Variants in EYS observed in about 807,000 individuals in gnomAD.
The protein encoded by EYS is EGF-like photoreceptor maintenance factor.
A neutral mutation model predicts 282.1 loss-of-function variants in EYS; 250 were observed. The ratio of observed to expected loss-of-function variants is 0.89; its 90% CI spans 0.80 to 0.98. The LOEUF is 0.98. Ranked by LOEUF, EYS falls within the 50% of genes least tolerant of loss-of-function variation. The probability of loss-of-function intolerance (pLI) is 0.00; values close to 1 mark genes in which losing one functional copy is unlikely to be tolerated. For synonymous variants in EYS, 1,355 were observed against 1,282.9 expected (o/e 1.06, Z -1.20); for missense variants, 4,016 against 3,709.0 (o/e 1.08, Z -2.15).
At chr6:63,938,213 A>T (rs765147862) in intron 35 of EYS, among the ~76,000 whole-genome samples, 3 of 152,214 alleles carry the variant, frequency 2.0e-5, no homozygotes, top group African/African-American at 7.2e-5. Flanking sequence ...GGAATAACGC[A>T]TATTTAGAGT....
At chr6:64,649,304 T>C (rs1768466781) in intron 22 of EYS, among the ~76,000 whole-genome samples, 1 of 87,722 alleles carries the variant, frequency 1.1e-5, no homozygotes, top group Non-Finnish European at 2.3e-5. Flanking sequence ...AATAATATGC[T>C]TACATATAAT....
chr6:64,357,102 A>G (rs1045345628), intron 29 of EYS, among the ~76,000 whole-genome samples: 1 of 151,704 alleles, frequency 6.6e-6, no homozygotes, highest in Admixed American at 6.6e-5. Flanking sequence ...TGGACAATTA[A>G]TAAGTGGGTG....
Position 64,711,328 on chromosome 6 carries a change from A to G in EYS, c.3444-85083T>C, listed in dbSNP as rs114197349. Among the ~76,000 whole-genome samples, 1,194 of 152,344 alleles carry G rather than the reference A, an allele frequency of 7.8e-3. 24 individuals are homozygous for G. The highest frequency in any genetic ancestry group is 0.027 in the African/African-American group (1,123 of 41,582). On this transcript the variant is annotated intron_variant, in intron 22 of 42. Transcript: ENST00000503581. ...ACAGTTGACACTTTCATTGTGTTTT[A>G]AACTCCCTGTTTTATACATGTGGCT...
chr6:65,060,743 C>CATAT (rs532091273), intron 12 of EYS, among the ~76,000 whole-genome samples: 72 of 146,596 alleles, frequency 4.9e-4, no homozygotes, highest in African/African-American at 1.8e-3. Context: ...TATATAAATA[C>CATAT]ATATATATAT....
At position 64,572,093 on chromosome 6, in the gene EYS, C is replaced by T. The variant is rs566567571; in HGVS notation, c.5644+18130G>A. Reference sequence around the variant, plus strand: ...AAAAGCTTATCCACCCAGTTGGCTTCATCCCTGGGATGCAAGGCTGGTTCA... The same window carrying T: ...AAAAGCTTATCCACCCAGTTGGCTTTATCCCTGGGATGCAAGGCTGGTTCA... On this transcript the variant is annotated intron_variant, in intron 26 of 42. Transcript: ENST00000503581. Among the ~76,000 whole-genome samples, 6 of 152,242 alleles carry T rather than the reference C, an allele frequency of 3.9e-5. No individual in the cohort carries two copies. In the East Asian group the frequency reaches 1.2e-3, roughly 29 times the overall value.
intron 2 of EYS, among the ~76,000 whole-genome samples, chr6:65,608,544 A>G (rs1413486946): frequency 6.6e-6 from 1 of 151,974 alleles, no homozygotes; most frequent in African/African-American, 2.4e-5. Context: ...CTAAAAATAT[A>G]TTTCATTTTT....
rs574293244 is a variant in EYS at position 64,773,059 on chromosome 6, G to A, written c.3443+40319C>T. Among the ~76,000 whole-genome samples the A allele has an allele frequency of 8.6e-5, 13 of 151,874 alleles. No homozygotes were observed. In the East Asian group the frequency reaches 2.5e-3, roughly 29 times the overall value. ...AATTTGCATGTCACAAAGATTTGGT[G>A]TACAGATTATTTCTTCACCCACGTT... On this transcript the variant is annotated intron_variant, in intron 22 of 42. Coordinates refer to ENST00000503581, the MANE Select transcript of EYS (RefSeq NM_001142800.2).
chr6:64,314,164 T>C (rs1274505237), intron 29 of EYS, among the ~76,000 whole-genome samples: 2 of 103,430 alleles, frequency 1.9e-5, no homozygotes, highest in South Asian at 3.3e-4. Flanking sequence ...AATAAAGGGA[T>C]GTGGGAAGAT....
intron 35 of EYS, among the ~76,000 whole-genome samples, chr6:63,889,114 AAG>A: frequency 6.6e-6 from 1 of 152,198 alleles, no homozygotes; most frequent in Admixed American, 6.5e-5. Flanking sequence ...AGGAATAAAC[AAG>A]GCCTCCAAGA....
intron 12 of EYS, among the ~76,000 whole-genome samples, chr6:65,179,617 T>A (rs894782246): frequency 2.0e-5 from 3 of 152,176 alleles, no homozygotes; most frequent in African/African-American, 7.2e-5. Flanking sequence ...AGCCGAATTC[T>A]ACCAGAGGTA....
intron 31 of EYS, among the ~76,000 whole-genome samples, chr6:64,098,378 TA>T (rs1482141074): frequency 6.6e-6 from 1 of 152,176 alleles, no homozygotes; most frequent in East Asian, 1.9e-4. Flanking sequence ...GATAAATTTC[TA>T]GAGCATATTG....
chr6:65,503,452 T>A (rs1026260233), intron 2 of EYS, among the ~76,000 whole-genome samples: 5 of 151,684 alleles, frequency 3.3e-5, no homozygotes, highest in African/African-American at 1.2e-4. Context: ...GATTTTACTT[T>A]TAAAAAAGTC....
chr6:65,358,612 G>GTGTGTGTGTGTC (rs1764584351), intron 8 of EYS, among the ~76,000 whole-genome samples: 1 of 149,500 alleles, frequency 6.7e-6, no homozygotes, highest in African/African-American at 2.5e-5. Flanking sequence ...GTGTGTGTGT[G>GTGTGTGTGTGTC]TGTGTGTGTG....
At chr6:65,192,466 TATA>T (rs1765666283) in intron 12 of EYS, among the ~76,000 whole-genome samples, 1 of 151,762 alleles carries the variant, frequency 6.6e-6, no homozygotes, top group Non-Finnish European at 1.5e-5. Flanking sequence ...AATAAAGGAC[TATA>T]ATTTTTTACA....
chr6:64,436,459 G>A (rs1047642087), intron 27 of EYS, among the ~76,000 whole-genome samples, 194 bp from the exon 28 acceptor site: 1 of 151,724 alleles, frequency 6.6e-6, no homozygotes, highest in African/African-American at 2.4e-5. Context: ...ACAAATATAT[G>A]AGTATTATAT....
intron 19 of EYS, among the ~76,000 whole-genome samples, chr6:64,857,358 A>C (rs1766096268): frequency 6.6e-6 from 1 of 152,104 alleles, no homozygotes; most frequent in Non-Finnish European, 1.5e-5. Flanking sequence ...ATAATGTGGC[A>C]TTTGTCTTTC....
intron 35 of EYS, among the ~76,000 whole-genome samples, chr6:63,920,897 CTTT>C (rs545654220): frequency 1.4e-5 from 2 of 144,158 alleles, no homozygotes. Flanking sequence ...TTCTTTCTTC[CTTT>C]TTTTTTTTTG....
At chr6:63,790,444 C>T (rs970816854) in intron 37 of EYS, among the ~76,000 whole-genome samples, 6 of 152,180 alleles carry the variant, frequency 3.9e-5, no homozygotes, top group East Asian at 1.9e-4. Flanking sequence ...CTTTTGAAAG[C>T]TCTCTAGGTG....
chr6:65,308,973 G>A (rs1197881354), intron 11 of EYS, among the ~76,000 whole-genome samples: 3 of 152,194 alleles, frequency 2.0e-5, no homozygotes, highest in Middle Eastern at 3.4e-3. Flanking sequence ...CAGGAGGATC[G>A]GGAAATCCAT....
Sources: allele counts gnomAD v4.1 joint callset (sites outside exome capture counted in the v4.1 genomes callset), GRCh38; gene constraint gnomAD v4.1.1; transcripts MANE v1.5; gene names NCBI Gene and HGNC (gene_info 2026-07-23, HGNC 2026-07-21).